The following RUNX1T1 variants were observed in gnomAD, a reference collection of about 807,000 sequenced individuals.
RUNX1T1 encodes the protein protein CBFA2T1.
In RUNX1T1, 4 loss-of-function variants were observed where a neutral mutation model predicts 62.8. The observed-to-expected ratio is 0.06, with a 90% CI of 0.03 to 0.15. The LOEUF is 0.15. Ranked by LOEUF, RUNX1T1 falls within the 10% of genes least tolerant of loss-of-function variation. RUNX1T1 has a pLI of 1.00. For synonymous variants in RUNX1T1, 291 were observed against 286.0 expected (o/e 1.02, Z -0.18); for missense variants, 508 against 754.3 (o/e 0.67, Z 3.82).
intron 1 of RUNX1T1, among the ~76,000 whole-genome samples, chr8:92,089,764 T>A (rs7003305): frequency 1.3e-5 from 2 of 151,644 alleles, no homozygotes; most frequent in African/African-American, 4.8e-5. Flanking sequence ...AAATTTCAGA[T>A]AATCATCTAA....
intron 1 of RUNX1T1, among the ~76,000 whole-genome samples, chr8:92,018,925 G>T (rs1823539329): frequency 6.6e-6 from 1 of 152,210 alleles, no homozygotes; most frequent in East Asian, 1.9e-4. Context: ...AATAACAACG[G>T]ATGTCCCTAT....
At chr8:92,006,492 A>G (rs1311245413) in intron 4 of RUNX1T1, 1 of 152,162 alleles carries the variant, frequency 6.6e-6, no homozygotes. Context: ...AGCTGCCTCA[A>G]TTTTTGGGCC....
chr8:92,099,695 C>T (rs1269950232), upstream of RUNX1T1: 2 of 972,878 alleles, frequency 2.1e-6, no homozygotes, highest in Non-Finnish European at 2.4e-6. Context: ...CATAAAACCT[C>T]AGTGAAGAAG....
chr8:92,016,450 G>A (rs1407186924), intron 2 of RUNX1T1, among the ~76,000 whole-genome samples: 1 of 152,180 alleles, frequency 6.6e-6, no homozygotes, highest in Non-Finnish European at 1.5e-5. Flanking sequence ...GCCGAGGTGG[G>A]AGCATCACGA....
intron 1 of RUNX1T1, among the ~76,000 whole-genome samples, chr8:92,082,651 T>G (rs1473949350): frequency 6.6e-6 from 1 of 152,174 alleles, no homozygotes; most frequent in Non-Finnish European, 1.5e-5. Context: ...AGTGAGACTC[T>G]TTACCATTTC....
chr8:91,995,063 A>G (rs1204865208), intron 5 of RUNX1T1, among the ~76,000 whole-genome samples: 1 of 152,178 alleles, frequency 6.6e-6, no homozygotes, highest in Non-Finnish European at 1.5e-5. Flanking sequence ...TTGTGCAAAA[A>G]TTAGAAAATA....
chr8:92,041,993 T>C (rs1429974577), intron 1 of RUNX1T1, among the ~76,000 whole-genome samples: 1 of 151,936 alleles, frequency 6.6e-6, no homozygotes, highest in Non-Finnish European at 1.5e-5. Context: ...TAATTTTTTT[T>C]TGTATTTTTA....
At chr8:92,069,700 C>G (rs1337947714) in intron 2 of RUNX1T1, among the ~76,000 whole-genome samples, 1 of 151,922 alleles carries the variant, frequency 6.6e-6, no homozygotes, top group African/African-American at 2.4e-5. Flanking sequence ...TTACAGTGAC[C>G]CTACAGGGTT....
chr8:91,958,955 C>CTTT (rs35061826), exon 11 of RUNX1T1: 2 of 179,046 alleles, frequency 1.1e-5, no homozygotes, highest in Non-Finnish European at 2.3e-5. Flanking sequence ...TCTTTTTTTC[C>CTTT]TTTTTTTTTT....
upstream of RUNX1T1, chr8:92,102,883 A>G: frequency 2.0e-6 from 3 of 1,521,014 alleles, no homozygotes; most frequent in Non-Finnish European, 2.6e-6. This position sits in a 1 kb window ranked among gnomAD's most constrained non-coding sequence, Gnocchi z 4.5. Flanking sequence ...GAGTCCCACC[A>G]TCCGCCACAG....
intron 1 of RUNX1T1, among the ~76,000 whole-genome samples, chr8:92,044,454 G>A (rs773267219): frequency 2.0e-5 from 3 of 152,126 alleles, no homozygotes; most frequent in Non-Finnish European, 4.4e-5. Flanking sequence ...AAGACCAAGA[G>A]GGTATAAGTC....
rs939757707 is a variant in RUNX1T1, at chr8:92,086,463, T to G, written c.-85-10326A>C. On this transcript the variant is annotated intron_variant, in intron 1 of 11. Transcript: ENST00000265814. ...AATCTGTGGAAAGAGGCAAAACACA[T>G]GAGGGAGCCAAGTCCTACAGTGGTA... Among the ~76,000 whole-genome samples, 4 of 152,100 alleles carry G rather than the reference T, an allele frequency of 2.6e-5. 1 individual carries two copies. In the East Asian group the frequency reaches 7.7e-4, roughly 29 times the overall value.
chr8:92,099,966 A>G (rs548577328), upstream of RUNX1T1, among the ~76,000 whole-genome samples: 1 of 152,306 alleles, frequency 6.6e-6, no homozygotes, highest in South Asian at 2.1e-4. Context: ...ATCTACAAAT[A>G]TTTAGACTAA....
At chr8:92,027,815 T>C (rs949132547) in intron 1 of RUNX1T1, among the ~76,000 whole-genome samples, 1 of 151,676 alleles carries the variant, frequency 6.6e-6, no homozygotes, top group Non-Finnish European at 1.5e-5. Context: ...TCGATTACTA[T>C]TTTTGGAAAA....
At chr8:92,011,005 C>T (rs1481104827) in exon 4 of RUNX1T1, 1 of 1,577,878 alleles carries the variant, frequency 6.3e-7, no homozygotes, top group East Asian at 2.2e-5. Flanking sequence ...GCAATACCTT[C>T]AAAAATGGGA....
exon 2 of RUNX1T1, chr8:92,076,007 T>C: frequency 6.2e-7 from 1 of 1,612,140 alleles, no homozygotes; most frequent in Non-Finnish European, 8.5e-7. Context: ...CAGTCACCTA[T>C]TACTAAACTC....
chr8:92,012,695 T>A (rs1381496101), intron 3 of RUNX1T1, among the ~76,000 whole-genome samples: 1 of 152,032 alleles, frequency 6.6e-6, no homozygotes, highest in African/African-American at 2.4e-5. Context: ...CATATTTTAC[T>A]TAACCTCTAT....
intron 5 of RUNX1T1, among the ~76,000 whole-genome samples, chr8:92,002,931 C>T (rs73306037): frequency 0.012 from 1,832 of 152,096 alleles, 22 homozygotes; most frequent in African/African-American, 0.042. Context: ...CTGTAGAGGC[C>T]CATATTTTCT....
intron 8 of RUNX1T1, chr8:91,979,710 G>C (rs984852337): frequency 2.6e-6 from 1 of 382,446 alleles, no homozygotes; most frequent in African/African-American, 2.1e-5. Flanking sequence ...AATGGTGTAA[G>C]AAATGTGAAA....
Sources: gnomAD v4.1 joint callset for allele counts (sites outside exome capture counted in the v4.1 genomes callset) on GRCh38, gnomAD v4.1.1 for gene constraint, Gnocchi (gnomAD v3.1) non-coding constraint, MANE v1.5 for transcripts, NCBI Gene and HGNC (gene_info 2026-07-23, HGNC 2026-07-21) for gene names.